The following FSCN1 variants were observed in gnomAD, a reference collection of about 807,000 sequenced individuals.
The protein encoded by FSCN1 is fascin.
FSCN1 carries 10 observed loss-of-function variants against 39.7 expected under a neutral mutation model. The ratio of observed to expected loss-of-function variants is 0.25; its 90% CI spans 0.16 to 0.43. The LOEUF (loss-of-function observed/expected upper bound fraction) is 0.43. FSCN1 is among the 20% of genes least tolerant of loss of function. FSCN1 has a pLI of 1.00. For missense variants in FSCN1, 525 were observed against 723.8 expected (o/e 0.73, Z 3.15); for synonymous variants, 322 against 320.0 (o/e 1.01, Z -0.07).
intron 1 of FSCN1, among the ~76,000 whole-genome samples, chr7:5,596,583 T>G (rs948083337): frequency 2.0e-5 from 3 of 151,428 alleles, no homozygotes; most frequent in Non-Finnish European, 4.4e-5. Flanking sequence ...TCACCACACT[T>G]CCTGTCTTCT....
At chr7:5,604,329 G>T (rs1478614965) in intron 4 of FSCN1, among the ~76,000 whole-genome samples, 1 of 150,616 alleles carries the variant, frequency 6.6e-6, no homozygotes, top group Non-Finnish European at 1.5e-5. Flanking sequence ...CAGGGGAGGG[G>T]AGAGCCGGGA....
Position 5,603,096 on chromosome 7 carries a change from T to C in FSCN1, c.833-161T>C. 1 of 722,578 alleles carries C rather than the reference T, an allele frequency of 1.4e-6. No individual in the cohort carries two copies. The highest frequency in any genetic ancestry group is 2.3e-6 in the Non-Finnish European group (1 of 429,946). The allele number at this position is 722,578 out of a possible 1,614,324, so 44.8% of individuals were successfully genotyped here. A position where few individuals can be genotyped will look rare whatever the true frequency, so the allele number is the denominator to read the frequency against. ...GACCGGCCCTGCCTGCGTTCCTGGG[T>C]GCTCTCTGCTGCTTCTCATGTGTGC... On this transcript the variant is annotated intron_variant, in intron 1 of 4. Coordinates refer to ENST00000382361, the MANE Select transcript of FSCN1 (RefSeq NM_003088.4). The surrounding 1 kb of genome is among the most constrained non-coding windows in gnomAD (Gnocchi z 8.5).
chr7:5,595,567 C>A (rs1462371319), intron 1 of FSCN1, among the ~76,000 whole-genome samples: 1 of 152,202 alleles, frequency 6.6e-6, no homozygotes, highest in Admixed American at 6.5e-5. Context: ...CTGAGCAGGA[C>A]ATTTGAGCTG....
At chr7:5,602,519 C>T (rs1311822876) in intron 1 of FSCN1, among the ~76,000 whole-genome samples, 1 of 151,956 alleles carries the variant, frequency 6.6e-6, no homozygotes, top group Non-Finnish European at 1.5e-5. Context: ...TGAAGCAAAT[C>T]CCTGACATCA....
At chr7:5,593,810 A>G in intron 1 of FSCN1, 42 bp downstream of exon 1, 1 of 1,316,248 alleles carries the variant, frequency 7.6e-7, no homozygotes, top group Non-Finnish European at 1.0e-6. Flanking sequence ...GTCCGTGCAC[A>G]AAGCGCACCC....
In FSCN1 at chr7:5,599,804, C is replaced by A. The variant is rs1458348729; in HGVS notation, c.833-3453C>A. Among the ~76,000 whole-genome samples, 22 of 151,712 alleles carry A rather than the reference C, an allele frequency of 1.5e-4. No homozygotes were observed. Among genetic ancestry groups the A allele is most frequent in the African/African-American group, 5.1e-4 (21 of 41,376 alleles). On this transcript the variant is annotated intron_variant, in intron 1 of 4. Transcript: ENST00000382361. This position sits in a 1 kb window ranked among gnomAD's most constrained non-coding sequence, Gnocchi z 5.6. ...CCTGGGCAACAGAGCAAGACCCTAT[C>A]TCTAAAAAAAAAATGGAATTGAGGA... is the stretch of plus-strand genomic sequence containing the variant.
intron 1 of FSCN1, among the ~76,000 whole-genome samples, chr7:5,602,354 C>T (rs1372832276): frequency 2.0e-5 from 3 of 151,938 alleles, no homozygotes; most frequent in Non-Finnish European, 2.9e-5. Context: ...TATAAGTTTT[C>T]TAAAGGAAAG....
Position 5,593,102 on chromosome 7 carries a change from G to C in FSCN1, c.166G>C (p.Gly56Arg), listed in dbSNP as rs772975366. The C allele has an allele frequency of 1.4e-4, 231 of 1,604,856 alleles. No individual in the cohort carries two copies. The highest frequency in any genetic ancestry group is 1.9e-4 in the Non-Finnish European group (225 of 1,177,140). ...GCTGGAGCAGCCCCCTGACGAGGCG[G>C]GCAGCGCGGCCGTGTGCCTGCGCAG... ...WTLEQPPDEA[G>R]SAAVCLRSHL... is the part of the protein sequence containing the mutation. The change falls in exon 1 of 5, where the codon GGC becomes CGC. Residue 56 changes from glycine to arginine, a missense_variant. By Grantham distance (125) the Gly-to-Arg change is moderately radical. Transcript: ENST00000382361.
chr7:5,594,075 C>T (rs1785684929), intron 1 of FSCN1: 3 of 388,612 alleles, frequency 7.7e-6, no homozygotes, highest in Non-Finnish European at 1.4e-5. Flanking sequence ...TTGGCTCTCC[C>T]CACGCGCGCT....
In FSCN1 at chr7:5,593,048, AG is replaced by A; in HGVS notation, c.113del (p.Ser38ThrfsTer3). 1 of 1,602,322 alleles carries A rather than the reference AG, an allele frequency of 6.2e-7. No individual in the cohort carries two copies. The highest frequency in any genetic ancestry group is 8.5e-7 in the Non-Finnish European group (1 of 1,175,326). ...AFGFKVNASA[S>X]SLKKKQIWTL... The stretch of plus-strand genomic sequence containing the variant: ...CGGGTTCAAGGTGAACGCGTCCGCC[AG>A]CAGCCTGAAGAAGAAGCAGATCTGG... On this transcript the variant is annotated frameshift_variant, in exon 1 of 5. Transcript: ENST00000382361. LOFTEE classifies it high-confidence loss of function.
In FSCN1 at chr7:5,596,669, C is replaced by T. The variant is rs562156569; in HGVS notation, c.832+2901C>T. Reference sequence around the variant, plus strand: ...CTGGGGATCCATGCCAGGGATAGGACCTGTCCTCCCTGCTGGCTTGGGACA... The same window carrying T: ...CTGGGGATCCATGCCAGGGATAGGATCTGTCCTCCCTGCTGGCTTGGGACA... On this transcript the variant is annotated intron_variant, in intron 1 of 4. Coordinates refer to ENST00000382361, the MANE Select transcript of FSCN1 (RefSeq NM_003088.4). Among the ~76,000 whole-genome samples, 4 of 152,322 alleles carry T rather than the reference C, an allele frequency of 2.6e-5. No homozygotes were observed. The South Asian group carries it at 8.3e-4, about 32-fold the overall frequency.
chr7:5,592,909 G>A lies in FSCN1; in HGVS notation c.-28G>A. 9.3e-6 allele frequency: 13 copies of A among 1,400,490 alleles called. No homozygotes were observed. The highest frequency in any genetic ancestry group is 1.2e-5 in the Non-Finnish European group (13 of 1,053,514). The allele number at this position is 1,400,490 out of a possible 1,614,324, so 86.8% of individuals were successfully genotyped here. On this transcript the variant is annotated 5_prime_UTR_variant, in exon 1 of 5. Coordinates refer to ENST00000382361, the MANE Select transcript of FSCN1 (RefSeq NM_003088.4). The surrounding 1 kb of genome is among the most constrained non-coding windows in gnomAD (Gnocchi z 5.3). ...GACCCGCCACCCACCTCCCGGGGCC[G>A]CGCAGCGGCCTCTCGTCTACTGCCA...
intron 1 of FSCN1, chr7:5,594,693 CCGCCCTT>C (rs975967841): frequency 4.6e-5 from 7 of 152,080 alleles, no homozygotes; most frequent in African/African-American, 1.7e-4. Context: ...TCCAGGCACC[CCGCCCTT>C]CGCCCGCCGC....
rs1378498427 is a variant in FSCN1 at position 5,603,898 on chromosome 7, C to T, written c.1147C>T (p.Arg383Cys). Residue 383 changes from arginine to cysteine, a missense_variant, in exon 4 of 5, where the codon CGC becomes TGC. Physicochemically the swap from Arg to Cys is radical, Grantham distance 180 (BLOSUM62 -3). This residue lies in a region of FSCN1 where 275 missense variants were observed against 351.9 expected (regional missense o/e 0.78). Transcript: ENST00000382361. This position sits in a 1 kb window ranked among gnomAD's most constrained non-coding sequence, Gnocchi z 8.5. ...GCTCTTCCTCATGAAGCTCATCAACCGCCCCATCATCGTGTTCCGCGGGGA... is the reference window on the plus strand; with the variant it reads ...GCTCTTCCTCATGAAGCTCATCAACTGCCCCATCATCGTGTTCCGCGGGGA... ...SELFLMKLINRPIIVFRGEHG... is the reference protein window; with the variant it reads ...SELFLMKLINCPIIVFRGEHG... The T allele has an allele frequency of 1.9e-6, 3 of 1,613,958 alleles. No individual in the cohort carries two copies. Among genetic ancestry groups the T allele is most frequent in the East Asian group, 2.2e-5 (1 of 44,876 alleles).
intron 1 of FSCN1, chr7:5,602,756 G>C (rs1205235932): frequency 5.9e-6 from 1 of 169,246 alleles, no homozygotes; most frequent in Non-Finnish European, 1.3e-5. Flanking sequence ...GGAGTGCAGT[G>C]GTGCAATCAC....
Position 5,592,899 on chromosome 7 carries a change from T to A in FSCN1, c.-38T>A. Reference sequence around the variant, plus strand: ...CCGCCGCAGGGACCCGCCACCCACCTCCCGGGGCCGCGCAGCGGCCTCTCG... The same window carrying A: ...CCGCCGCAGGGACCCGCCACCCACCACCCGGGGCCGCGCAGCGGCCTCTCG... On this transcript the variant is annotated 5_prime_UTR_variant, in exon 1 of 5. Transcript: ENST00000382361. The surrounding 1 kb of genome is among the most constrained non-coding windows in gnomAD (Gnocchi z 5.3). The A allele has an allele frequency of 1.5e-6, 2 of 1,345,084 alleles. No homozygotes were observed. Among genetic ancestry groups the A allele is most frequent in the Non-Finnish European group, 2.0e-6 (2 of 1,005,040 alleles). The allele number at this position is 1,345,084 out of a possible 1,614,324, so 83.3% of individuals were successfully genotyped here. A position where few individuals can be genotyped will look rare whatever the true frequency, so the allele number is the denominator to read the frequency against.
At chr7:5,594,152 T>G in intron 1 of FSCN1, 2 of 175,600 alleles carry the variant, frequency 1.1e-5, no homozygotes, top group Non-Finnish European at 1.1e-5. Flanking sequence ...CTCGTGCCCC[T>G]CCCCCCGCCG....
At position 5,603,425 on chromosome 7, in the gene FSCN1, G is replaced by C; in HGVS notation, c.989+12G>C. 1 of 1,613,658 alleles carries C rather than the reference G, an allele frequency of 6.2e-7. No individual in the cohort carries two copies. The highest frequency in any genetic ancestry group is 1.1e-5 in the South Asian group (1 of 91,066). Reference sequence around the variant, plus strand: ...ACCGCCTCCAGCAAGTGAGTGCCTCGCTCCCACCTGTCACCGCCCCCACCA... The same window carrying C: ...ACCGCCTCCAGCAAGTGAGTGCCTCCCTCCCACCTGTCACCGCCCCCACCA... On this transcript the variant is annotated intron_variant, in intron 2 of 4. Transcript: ENST00000382361. The surrounding 1 kb of genome is among the most constrained non-coding windows in gnomAD (Gnocchi z 8.5).
intron 1 of FSCN1, among the ~76,000 whole-genome samples, chr7:5,600,304 C>T (rs2128549531): frequency 6.6e-6 from 1 of 151,508 alleles, no homozygotes; most frequent in Admixed American, 6.6e-5. Context: ...ATCCCAGCTA[C>T]TCAGGAGGCT....
Sources: allele counts gnomAD v4.1 joint callset (sites outside exome capture counted in the v4.1 genomes callset), GRCh38; gene constraint gnomAD v4.1.1; regional missense constraint gnomAD v4.1.1; non-coding constraint Gnocchi (gnomAD v3.1); transcripts MANE v1.5; gene names NCBI Gene and HGNC (gene_info 2026-07-23, HGNC 2026-07-21).